ADGRB3: variants seen among roughly 807,000 people sequenced by gnomAD.
ADGRB3 encodes adhesion G protein-coupled receptor B3.
A neutral mutation model predicts 193.4 loss-of-function variants in ADGRB3; 37 were observed. That is an observed-to-expected ratio of 0.19 (90% confidence interval 0.15 to 0.25). The LOEUF is 0.25. Among genes scored for constraint, ADGRB3 ranks in the 10% least tolerant of loss-of-function variants. The pLI, the probability that ADGRB3 is intolerant of heterozygous loss-of-function variation, is 1.00. For synonymous variants in ADGRB3, 690 were observed against 644.2 expected, an observed-to-expected ratio of 1.07 and a Z score of -1.08; for missense variants, 1,637 against 1,852.9, an observed-to-expected ratio of 0.88 and a Z score of 2.14.
chr6:68,725,097 C>T (rs985433119), intron 3 of ADGRB3, among the ~76,000 whole-genome samples: 24 of 151,598 alleles, frequency 1.6e-4, no homozygotes, highest in African/African-American at 4.6e-4. Context: ...ATAGTCTAGG[C>T]GGAAGAGATG....
At chr6:69,138,037 G>A (rs919980549) in intron 17 of ADGRB3, among the ~76,000 whole-genome samples, 4 of 152,194 alleles carry the variant, frequency 2.6e-5, no homozygotes, top group Non-Finnish European at 4.4e-5. Context: ...ACATGGAAGA[G>A]CAAATGTGGG....
intron 17 of ADGRB3, among the ~76,000 whole-genome samples, chr6:69,099,592 TCTTGCTC>T (rs554020315): frequency 2.0e-5 from 3 of 152,258 alleles, no homozygotes; most frequent in Non-Finnish European, 4.4e-5. Flanking sequence ...CAATGGCCTT[TCTTGCTC>T]CTCAATGTGC....
In ADGRB3 at chr6:68,956,639, T is replaced by C. The variant is rs1562099715; in HGVS notation, c.1361-6T>C. On this transcript the variant is annotated splice_polypyrimidine_tract_variant and splice_region_variant and intron_variant, in intron 7 of 31. Coordinates refer to ENST00000370598, the MANE Select transcript of ADGRB3 (RefSeq NM_001704.3). The stretch of plus-strand genomic sequence containing the variant: ...ACTGACATTGACCATGAAACATTTC[T>C]TTCAGCCAATGGTCAATGGAATCAG... The C allele has an allele frequency of 1.2e-6, 2 of 1,613,650 alleles. No homozygotes were observed. The highest frequency in any genetic ancestry group is 1.7e-6 in the Non-Finnish European group (2 of 1,179,808).
chr6:69,021,531 T>C (rs186676599), intron 13 of ADGRB3, among the ~76,000 whole-genome samples: 42 of 151,980 alleles, frequency 2.8e-4, no homozygotes, highest in Non-Finnish European at 5.2e-4. Context: ...GTATAGCAAA[T>C]AGAATAGATG....
chr6:68,956,741 T>A lies in ADGRB3; in HGVS notation c.1457T>A (p.Val486Glu). The change falls in exon 8 of 32, where the codon GTG (valine) becomes GAG (glutamate). Residue 486 changes from valine (V) to glutamate (E), a missense_variant. Transcript: ENST00000370598. ...ERRIRTCQGA[V>E]ITGQQCEGTG... ...CGAATAAGGACCTGTCAGGGTGCAGTGATAACAGGGCAGCAATGTGAAGGA... is the reference window on the plus strand; with the variant it reads ...CGAATAAGGACCTGTCAGGGTGCAGAGATAACAGGGCAGCAATGTGAAGGA... 6.2e-7 allele frequency: 1 copy of A among 1,613,836 alleles called. No individual in the cohort carries two copies. Among genetic ancestry groups the A allele is most frequent in the Non-Finnish European group, 8.5e-7 (1 of 1,179,976 alleles).
intron 11 of ADGRB3, among the ~76,000 whole-genome samples, chr6:68,998,876 A>T (rs907680078): frequency 3.9e-5 from 6 of 152,138 alleles, no homozygotes; most frequent in Non-Finnish European, 5.9e-5. Context: ...TCCCTCTAAG[A>T]TCCTATTCTT....
chr6:68,970,266 C>T (rs2880588), intron 8 of ADGRB3, among the ~76,000 whole-genome samples: 100,701 of 151,542 alleles, frequency 0.66, 33,655 homozygotes, highest in Middle Eastern at 0.79. Flanking sequence ...AATGTCTAGG[C>T]AGACTACTTT....
At chr6:69,214,784 C>A (rs1490431394) in intron 17 of ADGRB3, among the ~76,000 whole-genome samples, 2 of 150,894 alleles carry the variant, frequency 1.3e-5, no homozygotes, top group East Asian at 4.0e-4. Context: ...ATGGCAAAAA[C>A]CACAATTACA....
At chr6:69,128,049 G>T (rs959280812) in intron 17 of ADGRB3, among the ~76,000 whole-genome samples, 15 of 152,092 alleles carry the variant, frequency 9.9e-5, no homozygotes, top group Non-Finnish European at 2.1e-4. Context: ...TTCACATATG[G>T]ACAGATTCTT....
At chr6:68,931,534 T>G (rs755527591) in intron 4 of ADGRB3, among the ~76,000 whole-genome samples, 1 of 152,186 alleles carries the variant, frequency 6.6e-6, no homozygotes, top group Admixed American at 6.6e-5. Context: ...CAGTTTTATC[T>G]ATGTCTTAAA....
chr6:68,921,714 A>G (rs1767048102), intron 3 of ADGRB3, among the ~76,000 whole-genome samples: 2 of 151,624 alleles, frequency 1.3e-5, no homozygotes, highest in South Asian at 4.2e-4. Context: ...AAAAATAAAA[A>G]TAATAAAATA....
At chr6:69,372,308 G>T in intron 29 of ADGRB3, 98 bp from the exon 30 acceptor site, 3 of 633,980 alleles carry the variant, frequency 4.7e-6, no homozygotes, top group Admixed American at 8.1e-5. Flanking sequence ...AAACAAGCAG[G>T]ATTATCTTTA....
chr6:69,370,741 T>A (rs1769690537), intron 29 of ADGRB3, among the ~76,000 whole-genome samples: 1 of 152,164 alleles, frequency 6.6e-6, no homozygotes, highest in South Asian at 2.1e-4. Context: ...TTTATAATTA[T>A]TGCTTAAAAC....
At chr6:68,824,736 C>A (rs1767811205) in intron 3 of ADGRB3, among the ~76,000 whole-genome samples, 2 of 150,626 alleles carry the variant, frequency 1.3e-5, no homozygotes, top group African/African-American at 4.9e-5. Flanking sequence ...TCCCCCTAAT[C>A]TTCTGTCTCA....
intron 13 of ADGRB3, among the ~76,000 whole-genome samples, 173 bp downstream of exon 13, chr6:69,018,672 T>C (rs1392539853): frequency 6.6e-6 from 1 of 152,026 alleles, no homozygotes; most frequent in Non-Finnish European, 1.5e-5. Flanking sequence ...CACATTGCAT[T>C]ATATATATGT....
chr6:69,191,868 T>C (rs1390685207), intron 17 of ADGRB3, among the ~76,000 whole-genome samples: 1 of 151,976 alleles, frequency 6.6e-6, no homozygotes, highest in African/African-American at 2.4e-5. Context: ...GATTTGAGGG[T>C]TGGAAAGCAG....
chr6:68,818,147 G>A (rs1399722173), intron 3 of ADGRB3, among the ~76,000 whole-genome samples: 2 of 152,028 alleles, frequency 1.3e-5, no homozygotes, highest in African/African-American at 4.8e-5. Flanking sequence ...ACACAGGCTG[G>A]TAGAGCAGAA....
intron 3 of ADGRB3, among the ~76,000 whole-genome samples, chr6:68,839,571 A>G (rs1344768534): frequency 6.6e-6 from 1 of 152,020 alleles, no homozygotes; most frequent in East Asian, 1.9e-4. Context: ...GGCCATGTGG[A>G]CTCTGTCTGT....
At chr6:69,226,628 T>A (rs180987673) in intron 17 of ADGRB3, among the ~76,000 whole-genome samples, 4 of 152,346 alleles carry the variant, frequency 2.6e-5, no homozygotes, top group East Asian at 1.9e-4. Flanking sequence ...TTATAACAAG[T>A]CACCTCGAAT....
Sources: allele counts gnomAD v4.1 joint callset (sites outside exome capture counted in the v4.1 genomes callset), GRCh38; gene constraint gnomAD v4.1.1; transcripts MANE v1.5; gene names NCBI Gene and HGNC (gene_info 2026-07-23, HGNC 2026-07-21).